The following MAML2 variants were observed in gnomAD, a reference collection of about 807,000 sequenced individuals.
The protein encoded by MAML2 is mastermind like transcriptional coactivator 2.
A neutral mutation model predicts 96.1 loss-of-function variants in MAML2; 22 were observed. The ratio of observed to expected loss-of-function variants is 0.23; its 90% CI spans 0.16 to 0.33. The LOEUF (loss-of-function observed/expected upper bound fraction) is 0.33. MAML2 is among the 10% of genes least tolerant of loss of function. The pLI is 1.00. For synonymous variants in MAML2, 561 were observed against 521.3 expected (o/e 1.08, Z -1.04); for missense variants, 1,367 against 1,392.4 (o/e 0.98, Z 0.29).
At chr11:96,129,240 T>C (rs1476974570) in intron 1 of MAML2, among the ~76,000 whole-genome samples, 1 of 152,230 alleles carries the variant, frequency 6.6e-6, no homozygotes, top group African/African-American at 2.4e-5. Context: ...TTCTCACTTT[T>C]TCTTTTCCTT....
rs548797416 is a variant in MAML2 at position 96,179,955 on chromosome 11, A to G, written c.514-86438T>C. ...CACAAGGGCTCCAGACAGGACCATCAATCAGAAAAGGATAGTAGGGAAAAG... is the reference window on the plus strand; with the variant it reads ...CACAAGGGCTCCAGACAGGACCATCGATCAGAAAAGGATAGTAGGGAAAAG... On this transcript the variant is annotated intron_variant, in intron 1 of 4. Coordinates refer to ENST00000524717, the MANE Select transcript of MAML2 (RefSeq NM_032427.4). 1.1e-3 allele frequency among the ~76,000 whole-genome samples: 163 copies of G among 152,354 alleles called. 1 individual carries two copies. The highest frequency in any genetic ancestry group is 1.3e-3 in the Non-Finnish European group (90 of 68,036).
chr11:96,148,674 A>ACACACACAC lies in MAML2; in HGVS notation c.514-55166_514-55158dup, dbSNP rs879575557. ...TTCTGAAAAATACACACACACACAC[A>ACACACACAC]CACACACACACACACACACACACAC... On this transcript the variant is annotated intron_variant, in intron 1 of 4. Transcript: ENST00000524717. Among the ~76,000 whole-genome samples, 384 of 145,096 alleles carry ACACACACAC rather than the reference A, an allele frequency of 2.6e-3. 1 individual carries two copies. Among genetic ancestry groups the ACACACACAC allele is most frequent in the Non-Finnish European group, 4.5e-3 (297 of 66,462 alleles).
intron 1 of MAML2, among the ~76,000 whole-genome samples, chr11:96,242,100 C>G (rs1008555604): frequency 1.3e-5 from 2 of 152,160 alleles, no homozygotes; most frequent in African/African-American, 4.8e-5. Flanking sequence ...AGTTAATTCA[C>G]TTTTTTACTT....
rs77874091 is a variant in MAML2, at chr11:96,043,925, T to C, written c.2139+47967A>G. On this transcript the variant is annotated intron_variant, in intron 2 of 4. Coordinates refer to ENST00000524717, the MANE Select transcript of MAML2 (RefSeq NM_032427.4). Reference sequence around the variant, plus strand: ...TGCTGGTGGTAACTCTGGTAGTAACTTCCATAATGGACTTAAAATAAGTAG... The same window carrying C: ...TGCTGGTGGTAACTCTGGTAGTAACCTCCATAATGGACTTAAAATAAGTAG... 5.8e-3 allele frequency among the ~76,000 whole-genome samples: 891 copies of C among 152,348 alleles called. 14 individuals carry two copies. Among genetic ancestry groups the C allele is most frequent in the African/African-American group, 0.02 (832 of 41,576 alleles).
chr11:95,981,476 G>A (rs1565180064), intron 4 of MAML2, among the ~76,000 whole-genome samples: 1 of 152,204 alleles, frequency 6.6e-6, no homozygotes, highest in Non-Finnish European at 1.5e-5. Flanking sequence ...TCAGTGGATG[G>A]GGAGAGCATG....
At chr11:96,307,525 G>A (rs987698424) in intron 1 of MAML2, among the ~76,000 whole-genome samples, 4 of 151,952 alleles carry the variant, frequency 2.6e-5, no homozygotes, top group African/African-American at 7.3e-5. Flanking sequence ...AGGCACTCTC[G>A]ACAGCAGCTG....
At chr11:96,115,473 A>ATT (rs34562985) in intron 1 of MAML2, among the ~76,000 whole-genome samples, 3,118 of 148,072 alleles carry the variant, frequency 0.021, 111 homozygotes, top group African/African-American at 0.07. Context: ...CACCTGGCGG[A>ATT]TTTTTTTTTT....
At chr11:96,033,166 C>T (rs1437963488) in intron 2 of MAML2, among the ~76,000 whole-genome samples, 3 of 152,216 alleles carry the variant, frequency 2.0e-5, no homozygotes, top group African/African-American at 7.2e-5. Context: ...AGTGTAACCT[C>T]CTAAGATGAC....
In MAML2 at chr11:96,232,375, G is replaced by A. The variant is rs191764690; in HGVS notation, c.513+109008C>T. The stretch of plus-strand genomic sequence containing the variant: ...CGAGAGAATAAGGATCACTGTGGTG[G>A]GCAATTATCCAAGGAGAGCTTCCTA... On this transcript the variant is annotated intron_variant, in intron 1 of 4. Coordinates refer to ENST00000524717, the MANE Select transcript of MAML2 (RefSeq NM_032427.4). Among the ~76,000 whole-genome samples the A allele has an allele frequency of 4.6e-5, 7 of 152,318 alleles. No individual in the cohort carries two copies. The East Asian group carries it at 1.3e-3, about 29-fold the overall frequency.
chr11:96,210,809 T>C (rs767328439), intron 1 of MAML2, among the ~76,000 whole-genome samples: 3 of 152,240 alleles, frequency 2.0e-5, no homozygotes, highest in Non-Finnish European at 4.4e-5. Flanking sequence ...CATACCATGA[T>C]ACTTTTATAA....
intron 1 of MAML2, among the ~76,000 whole-genome samples, chr11:96,229,133 C>T (rs1418769955): frequency 2.6e-5 from 4 of 152,056 alleles, no homozygotes; most frequent in Non-Finnish European, 5.9e-5. Flanking sequence ...TACCAAATAA[C>T]TTAAGAATGT....
chr11:96,225,434 A>T (rs766516706), intron 1 of MAML2, among the ~76,000 whole-genome samples: 6 of 152,202 alleles, frequency 3.9e-5, no homozygotes, highest in Non-Finnish European at 5.9e-5. Flanking sequence ...CTCAGGAGAG[A>T]CCTGTACCAG....
intron 2 of MAML2, among the ~76,000 whole-genome samples, chr11:96,003,364 A>T (rs971023288): frequency 6.6e-6 from 1 of 152,180 alleles, no homozygotes; most frequent in Non-Finnish European, 1.5e-5. Flanking sequence ...GAGTCCCCAT[A>T]ATAATTCTGT....
At chr11:95,991,863 A>G in intron 2 of MAML2, 140 bp from the exon 3 acceptor site, 1 of 676,810 alleles carries the variant, frequency 1.5e-6, no homozygotes, top group Non-Finnish European at 2.5e-6. Context: ...GAGATCAGAG[A>G]ATCGCTTTTT....
At position 96,210,393 on chromosome 11, in the gene MAML2, G is replaced by A. The variant is rs547970736; in HGVS notation, c.514-116876C>T. Reference sequence around the variant, plus strand: ...CAAAGTGCTGGGATTACAGGCATGAGCCACTGTGCCCACCTGCCTTATCAT... The same window carrying A: ...CAAAGTGCTGGGATTACAGGCATGAACCACTGTGCCCACCTGCCTTATCAT... On this transcript the variant is annotated intron_variant, in intron 1 of 4. Coordinates refer to ENST00000524717, the MANE Select transcript of MAML2 (RefSeq NM_032427.4). 2.6e-5 allele frequency among the ~76,000 whole-genome samples: 4 copies of A among 152,334 alleles called. No individual in the cohort carries two copies. In the South Asian group the frequency reaches 8.3e-4, roughly 32 times the overall value.
chr11:96,069,708 T>A (rs1302948408), intron 2 of MAML2, among the ~76,000 whole-genome samples: 1 of 151,776 alleles, frequency 6.6e-6, no homozygotes, highest in Non-Finnish European at 1.5e-5. Context: ...AAAATTCATA[T>A]AAATAATAAT....
At chr11:96,087,507 A>C (rs1719461391) in intron 2 of MAML2, among the ~76,000 whole-genome samples, 1 of 152,210 alleles carries the variant, frequency 6.6e-6, no homozygotes, top group South Asian at 2.1e-4. Flanking sequence ...GTTATAAAGA[A>C]ATCATCAAAT....
intron 2 of MAML2, among the ~76,000 whole-genome samples, chr11:96,038,805 A>G (rs1858759270): frequency 6.6e-6 from 1 of 152,208 alleles, no homozygotes; most frequent in Non-Finnish European, 1.5e-5. Context: ...TTCCTTATAT[A>G]CTTATTGTTC....
chr11:96,106,074 G>A (rs572923207), intron 1 of MAML2, among the ~76,000 whole-genome samples: 3 of 152,226 alleles, frequency 2.0e-5, no homozygotes, highest in South Asian at 4.1e-4. Context: ...TAGGATGGAG[G>A]ACAATAAAGC....
Sources: gnomAD v4.1 joint callset for allele counts (sites outside exome capture counted in the v4.1 genomes callset) on GRCh38, gnomAD v4.1.1 for gene constraint, MANE v1.5 for transcripts, NCBI Gene and HGNC (gene_info 2026-07-23, HGNC 2026-07-21) for gene names.